The following AKNA variants were observed in gnomAD, a reference collection of about 807,000 sequenced individuals.
AKNA encodes the protein microtubule organization protein AKNA.
A neutral mutation model predicts 138.8 loss-of-function variants in AKNA; 67 were observed. The observed-to-expected ratio is 0.48, with a 90% confidence interval of 0.40 to 0.59. The LOEUF is 0.59. Among genes scored for constraint, AKNA ranks in the 20% least tolerant of loss-of-function variants. The pLI is 0.00. For synonymous variants in AKNA, 737 were observed against 754.4 expected, an observed-to-expected ratio of 0.98 and a Z score of 0.38; for missense variants, 1,813 against 1,880.4, an observed-to-expected ratio of 0.96 and a Z score of 0.66.
rs1439764634 is a variant in AKNA, at chr9:114,387,906, C to T, written c.-160G>A. ...TCCTGCCGACCCAGTTTCAGGGGAC[C>T]TGCCTGTGAATTCTTTGTTCCAAAC... On this transcript the variant is annotated 5_prime_UTR_variant, in exon 1 of 22. Coordinates refer to ENST00000374088, the MANE Select transcript of AKNA (RefSeq NM_001317950.2). The T allele has an allele frequency of 6.6e-6, 3 of 455,084 alleles. No homozygotes were observed. The highest frequency in any genetic ancestry group is 6.0e-5 in the African/African-American group (3 of 50,060). The allele number at this position is 455,084 out of a possible 1,614,324, so 28.2% of individuals were successfully genotyped here. A position where few individuals can be genotyped will look rare whatever the true frequency, so the allele number is the denominator to read the frequency against.
upstream of AKNA, among the ~76,000 whole-genome samples, chr9:114,397,240 G>A (rs144893595): frequency 2.7e-3 from 418 of 152,324 alleles, 8 homozygotes; most frequent in East Asian, 0.016. Context: ...CTGTTTGTTA[G>A]TAAGTAAACC....
intron 4 of AKNA, 100 bp downstream of exon 4, chr9:114,373,993 C>T: frequency 3.1e-6 from 4 of 1,286,736 alleles, no homozygotes; most frequent in Non-Finnish European, 4.4e-6. Flanking sequence ...TCCAGGGCCT[C>T]AGTAGATGGA....
At chr9:114,398,018 ACGCCTCCAGCCCAAAC>A (rs1834587197), upstream of AKNA, among the ~76,000 whole-genome samples, 1 of 152,142 alleles carries the variant, frequency 6.6e-6, no homozygotes, top group Non-Finnish European at 1.5e-5. The surrounding 1 kb of genome is among the most constrained non-coding windows in gnomAD (Gnocchi z 4.2). Context: ...AACCCGGGCC[ACGCCTCCAGCCCAAAC>A]ACAGCCCGAG....
Position 114,356,093 on chromosome 9 carries a change from T to C in AKNA, c.2890A>G (p.Arg964Gly). ...LAQPFAASVP[R>G]DGASYPKARG... ...GCCTTGGGGTAGGAAGCTCCATCCC[T>C]GGGCACAGATGCAGCAAAGGGCTGG... The change falls in exon 14 of 22, where the codon AGG (arginine) becomes GGG (glycine). Residue 964 changes from arginine to glycine, a missense_variant. By Grantham distance (125) the Arg-to-Gly change is moderately radical. Transcript: ENST00000374088. The C allele has an allele frequency of 1.2e-6, 2 of 1,614,092 alleles. No homozygotes were observed. Among genetic ancestry groups the C allele is most frequent in the East Asian group, 2.2e-5 (1 of 44,888 alleles).
At chr9:114,331,557 T>C, downstream of AKNA, 1 of 1,610,204 alleles carries the variant, frequency 6.2e-7, no homozygotes, top group Non-Finnish European at 8.5e-7. Context: ...AGGCTCTTTT[T>C]CTCTTCCAGA....
chr9:114,331,754 G>C, downstream of AKNA: 1 of 1,581,500 alleles, frequency 6.3e-7, no homozygotes, highest in African/African-American at 1.4e-5. Context: ...CTGGCCCCTA[G>C]AACCCCAGCC....
chr9:114,339,918 G>A (rs1588937585), intron 21 of AKNA, among the ~76,000 whole-genome samples: 2 of 152,244 alleles, frequency 1.3e-5, no homozygotes, highest in South Asian at 2.1e-4. Context: ...CCAACATGGC[G>A]AAACCCATCT....
At chr9:114,389,678 G>A (rs1834261444), upstream of AKNA, among the ~76,000 whole-genome samples, 1 of 152,220 alleles carries the variant, frequency 6.6e-6, no homozygotes, top group African/African-American at 2.4e-5. Flanking sequence ...AACTATTGCT[G>A]CTACTTAGGT....
chr9:114,331,888 T>C (rs1126777), downstream of AKNA: 214 of 1,613,692 alleles, frequency 1.3e-4, no homozygotes, highest in East Asian at 3.3e-4. Flanking sequence ...CGACTGCTTG[T>C]GCATTCCCAG....
At chr9:114,365,449 G>A (rs1249909374) in intron 6 of AKNA, among the ~76,000 whole-genome samples, 1 of 152,104 alleles carries the variant, frequency 6.6e-6, no homozygotes, top group African/African-American at 2.4e-5. Context: ...CTTATCATGG[G>A]CATCTATTAC....
intron 19 of AKNA, 29 bp downstream of exon 19, chr9:114,343,679 G>A (rs1434142747): frequency 6.2e-7 from 1 of 1,607,464 alleles, no homozygotes; most frequent in Non-Finnish European, 8.5e-7. Context: ...ACAGCTGCCT[G>A]GGCCAGTTTT....
intron 14 of AKNA, among the ~76,000 whole-genome samples, chr9:114,351,800 C>T (rs1366668215): frequency 6.6e-6 from 1 of 152,004 alleles, no homozygotes; most frequent in East Asian, 1.9e-4. Context: ...CACTGCACTG[C>T]AGCCTGGGTG....
rs1300866783 is a variant in AKNA, at chr9:114,359,915, A to C, written c.2272T>G (p.Tyr758Asp). 6.2e-7 allele frequency: 1 copy of C among 1,614,180 alleles called. No individual in the cohort carries two copies. Among genetic ancestry groups the C allele is most frequent in the East Asian group, 2.2e-5 (1 of 44,874 alleles). The change falls in exon 10 of 22, where the codon TAC (tyrosine) becomes GAC (aspartate). Residue 758 changes from tyrosine to aspartate, a missense_variant. Coordinates refer to ENST00000374088, the MANE Select transcript of AKNA (RefSeq NM_001317950.2). ...RHKELQMEQV[Y>D]HGLMERYLSV... ...ACTCACCGCTCCATGAGGCCATGGT[A>C]AACTTGCTCCATCTGCAGCTCCTTG... is the stretch of plus-strand genomic sequence containing the variant.
chr9:114,353,511 G>A (rs928921748), intron 14 of AKNA, among the ~76,000 whole-genome samples: 4 of 152,098 alleles, frequency 2.6e-5, no homozygotes, highest in Admixed American at 2.0e-4. Context: ...TGATCCACCC[G>A]CCTCAGCCTC....
intron 1 of AKNA, among the ~76,000 whole-genome samples, chr9:114,386,382 A>G (rs1285167691): frequency 6.6e-6 from 1 of 152,158 alleles, no homozygotes; most frequent in Non-Finnish European, 1.5e-5. Context: ...GGCAGCGGGA[A>G]CAGCACGGAG....
At position 114,367,642 on chromosome 9, in the gene AKNA, G is replaced by A. The variant is rs142934347; in HGVS notation, c.1629C>T (p.Thr543=). Residue 543 remains threonine (T), a synonymous_variant, in exon 6 of 22, where the codon ACC becomes ACT. Coordinates refer to ENST00000374088, the MANE Select transcript of AKNA (RefSeq NM_001317950.2). The part of the protein sequence containing the change: ...LSPSSLTSMP[T]LGWLPENRDI... Reference sequence around the variant, plus strand: ...CCCGGTTCTCCGGAAGCCACCCCAGGGTGGGCATGCTGGTAAGCGAGGAGG... The same window carrying A: ...CCCGGTTCTCCGGAAGCCACCCCAGAGTGGGCATGCTGGTAAGCGAGGAGG... 44 of 1,602,702 alleles carry A rather than the reference G, an allele frequency of 2.7e-5. No individual in the cohort carries two copies. In the African/African-American group the frequency reaches 5.6e-4, roughly 20 times the overall value.
chr9:114,380,998 A>G (rs1434727758), intron 2 of AKNA, 62 bp downstream of exon 2: 5 of 1,406,592 alleles, frequency 3.6e-6, no homozygotes, highest in East Asian at 5.3e-5. Flanking sequence ...AAAAAAAAAA[A>G]AAAGAACGTG....
Position 114,387,892 on chromosome 9 carries a change from C to G in AKNA, c.-146G>C. The G allele has an allele frequency of 2.2e-6, 1 of 455,094 alleles. No individual in the cohort carries two copies. Among genetic ancestry groups the G allele is most frequent in the Non-Finnish European group, 4.4e-6 (1 of 226,226 alleles). The allele number at this position is 455,094 out of a possible 1,614,324, so 28.2% of individuals were successfully genotyped here. A position where few individuals can be genotyped will look rare whatever the true frequency, so the allele number is the denominator to read the frequency against. ...GGGCTCCACCACCGTCCTGCCGACCCAGTTTCAGGGGACCTGCCTGTGAAT... is the reference window on the plus strand; with the variant it reads ...GGGCTCCACCACCGTCCTGCCGACCGAGTTTCAGGGGACCTGCCTGTGAAT... On this transcript the variant is annotated 5_prime_UTR_variant, in exon 1 of 22. Coordinates refer to ENST00000374088, the MANE Select transcript of AKNA (RefSeq NM_001317950.2).
At chr9:114,397,478 C>T (rs771537011), upstream of AKNA, among the ~76,000 whole-genome samples, 5 of 152,236 alleles carry the variant, frequency 3.3e-5, no homozygotes, top group Non-Finnish European at 7.3e-5. Context: ...CAGCTTCTCT[C>T]TGCTCCAACA....
Sources: gnomAD v4.1 joint callset for allele counts (sites outside exome capture counted in the v4.1 genomes callset) on GRCh38, gnomAD v4.1.1 for gene constraint, Gnocchi (gnomAD v3.1) non-coding constraint, MANE v1.5 for transcripts, NCBI Gene and HGNC (gene_info 2026-07-23, HGNC 2026-07-21) for gene names.